The following PCDH15 variants were observed in gnomAD, a reference collection of about 807,000 sequenced individuals.
The protein encoded by PCDH15 is protocadherin-15.
A neutral mutation model predicts 178.5 loss-of-function variants in PCDH15; 129 were observed. The ratio of observed to expected loss-of-function variants is 0.72; its 90% CI spans 0.63 to 0.84. The LOEUF (loss-of-function observed/expected upper bound fraction) is 0.84. Ranked by LOEUF, PCDH15 falls within the 40% of genes least tolerant of loss-of-function variation. The pLI is 0.00. For missense variants in PCDH15, 2,230 were observed against 2,099.9 expected, an observed-to-expected ratio of 1.06 and a Z score of -1.21; for synonymous variants, 800 against 732.0, an observed-to-expected ratio of 1.09 and a Z score of -1.50.
intron 2 of PCDH15, among the ~76,000 whole-genome samples, chr10:55,023,729 C>T (rs1383383252): frequency 6.6e-5 from 10 of 150,378 alleles, no homozygotes; most frequent in South Asian, 4.2e-4. Flanking sequence ...TTTGCATCCA[C>T]ACACAGTGTC....
intron 2 of PCDH15, among the ~76,000 whole-genome samples, chr10:55,510,358 C>T (rs964144719): frequency 2.0e-5 from 3 of 151,736 alleles, no homozygotes; most frequent in Admixed American, 6.6e-5. Context: ...TTTAATATTT[C>T]AGGTAAATTT....
chr10:55,619,378 C>G (rs751418831), intron 2 of PCDH15, among the ~76,000 whole-genome samples: 1 of 151,840 alleles, frequency 6.6e-6, no homozygotes, highest in East Asian at 1.9e-4. Flanking sequence ...ACTTTAGTAA[C>G]GTCAAACAAA....
At chr10:55,563,749 C>CAATG (rs1402038895) in intron 2 of PCDH15, among the ~76,000 whole-genome samples, 3 of 149,516 alleles carry the variant, frequency 2.0e-5, no homozygotes, top group African/African-American at 7.4e-5. Context: ...GTCAAGGAAA[C>CAATG]GATGAACAAA....
intron 25 of PCDH15, among the ~76,000 whole-genome samples, chr10:53,930,168 A>G (rs1221511792): frequency 2.0e-5 from 3 of 152,144 alleles, no homozygotes; most frequent in African/African-American, 7.2e-5. Context: ...TAGAAATAGC[A>G]ACGCATTCGG....
chr10:54,023,731 A>C (rs1289754607), intron 18 of PCDH15, among the ~76,000 whole-genome samples: 1 of 151,168 alleles, frequency 6.6e-6, no homozygotes, highest in Non-Finnish European at 1.5e-5. Context: ...ATTTACCATA[A>C]ATAATATTTA....
intron 3 of PCDH15, among the ~76,000 whole-genome samples, chr10:54,848,378 A>T (rs1953550209): frequency 1.1e-5 from 1 of 88,240 alleles, no homozygotes; most frequent in African/African-American, 4.7e-5. Context: ...GCAAAACTCC[A>T]TCTCAAAAAA....
chr10:55,445,842 A>T (rs1417496252), intron 2 of PCDH15, among the ~76,000 whole-genome samples: 1 of 152,100 alleles, frequency 6.6e-6, no homozygotes, highest in Non-Finnish European at 1.5e-5. Context: ...GTTGTATCCC[A>T]CTACCCCTCC....
intron 1 of PCDH15, among the ~76,000 whole-genome samples, chr10:54,740,853 T>A (rs1172758907): frequency 1.3e-5 from 2 of 151,964 alleles, no homozygotes; most frequent in East Asian, 3.9e-4. Context: ...TAACAGTGGT[T>A]ATCAGGGGCT....
rs112917336 is a variant in PCDH15 at position 54,861,570 on chromosome 10, G to C, written c.-29+35880C>G. Among the ~76,000 whole-genome samples, 220 of 152,170 alleles carry C rather than the reference G, an allele frequency of 1.4e-3. 1 individual carries two copies. The highest frequency in any genetic ancestry group is 4.8e-3 in the African/African-American group (199 of 41,540). On this transcript the variant is annotated intron_variant, in intron 3 of 5. Coordinates refer to the PCDH15 transcript ENST00000458638. ...CTTCATAATAATAAAGGCCATATAT[G>C]ACAAATCCACAACCAACATCATAGA...
At chr10:55,208,366 T>C (rs1840462466) in intron 1 of PCDH15, among the ~76,000 whole-genome samples, 1 of 152,036 alleles carries the variant, frequency 6.6e-6, no homozygotes, top group Admixed American at 6.6e-5. Context: ...TAAAGAGTCA[T>C]CTCTGGATTC....
At chr10:55,372,029 A>G (rs1038497493) in intron 2 of PCDH15, among the ~76,000 whole-genome samples, 26 of 152,286 alleles carry the variant, frequency 1.7e-4, no homozygotes, top group African/African-American at 5.5e-4. Context: ...AAGCATAGAA[A>G]TTTAGATATT....
chr10:55,485,889 G>C (rs546676330), intron 2 of PCDH15, among the ~76,000 whole-genome samples: 1 of 151,582 alleles, frequency 6.6e-6, no homozygotes, highest in African/African-American at 2.4e-5. Flanking sequence ...CTGGAACTTC[G>C]ATAACCATAG....
At chr10:54,230,978 C>T (rs2053996421) in intron 9 of PCDH15, among the ~76,000 whole-genome samples, 1 of 152,132 alleles carries the variant, frequency 6.6e-6, no homozygotes, top group Admixed American at 6.5e-5. Flanking sequence ...TTATTAATGA[C>T]AGTGCTGCAA....
intron 2 of PCDH15, among the ~76,000 whole-genome samples, chr10:55,138,892 T>A (rs953525520): frequency 6.6e-5 from 10 of 152,144 alleles, no homozygotes; most frequent in African/African-American, 2.4e-4. Context: ...TATATTTTTT[T>A]AAACCCAGTA....
At chr10:54,316,114 T>A (rs1214142839) in intron 8 of PCDH15, among the ~76,000 whole-genome samples, 1 of 152,184 alleles carries the variant, frequency 6.6e-6, no homozygotes, top group Non-Finnish European at 1.5e-5. Context: ...AAAACATATT[T>A]TTATCCAATG....
chr10:53,897,410 T>TAGTTTAAAAAATTTTAA (rs1208265750), intron 26 of PCDH15, among the ~76,000 whole-genome samples: 1 of 152,316 alleles, frequency 6.6e-6, no homozygotes, highest in East Asian at 1.9e-4. Context: ...AAATTAAATA[T>TAGTTTAAAAAATTTTAA]AGTTTAAAAA....
chr10:55,448,332 A>G (rs1839361872), intron 2 of PCDH15, among the ~76,000 whole-genome samples: 1 of 151,968 alleles, frequency 6.6e-6, no homozygotes, highest in Admixed American at 6.6e-5. Context: ...CTCTGTAATA[A>G]ATATCTCATC....
intron 2 of PCDH15, among the ~76,000 whole-genome samples, chr10:54,913,812 G>A (rs1171089220): frequency 1.3e-5 from 2 of 152,138 alleles, no homozygotes; most frequent in Admixed American, 6.5e-5. Flanking sequence ...ATATTATTTT[G>A]GAGCTTTGAG....
intron 8 of PCDH15, among the ~76,000 whole-genome samples, chr10:54,238,663 T>TCTCG (rs2054887706): frequency 7.1e-6 from 1 of 140,032 alleles, no homozygotes; most frequent in Non-Finnish European, 1.5e-5. Context: ...ATGCTGCCTC[T>TCTCG]CTCTCTCTCT....
Sources: gnomAD v4.1 joint callset for allele counts (sites outside exome capture counted in the v4.1 genomes callset) on GRCh38, gnomAD v4.1.1 for gene constraint, MANE v1.5 for transcripts, NCBI Gene and HGNC (gene_info 2026-07-23, HGNC 2026-07-21) for gene names.